Variants in LYPD6 observed in about 807,000 individuals in gnomAD.
LYPD6 encodes the protein ly6/PLAUR domain-containing protein 6.
Under a neutral mutation model 22.7 loss-of-function variants are expected in LYPD6, and 15 were observed. That is an observed-to-expected ratio of 0.66 (90% CI 0.44 to 1.02). The LOEUF is 1.02. Among genes scored for constraint, LYPD6 ranks in the 50% least tolerant of loss-of-function variants. The pLI is 0.00. For missense variants in LYPD6, 189 were observed against 208.4 expected (o/e 0.91, Z 0.57); for synonymous variants, 72 against 77.5 (o/e 0.93, Z 0.37).
chr2:149,369,619 G>A (rs1030461888), intron 1 of LYPD6, among the ~76,000 whole-genome samples: 6 of 152,102 alleles, frequency 3.9e-5, no homozygotes, highest in South Asian at 2.1e-4. Context: ...AGTTAGAATC[G>A]TATCTACCAT....
At chr2:149,485,873 C>A in the LYPD6 span, among the ~76,000 whole-genome samples, 1 of 152,254 alleles carries the variant, frequency 6.6e-6, no homozygotes. Flanking sequence ...CAGGCAAAGA[C>A]ACTATGGCCT....
At chr2:149,359,249 TC>T (rs1681524324) in intron 1 of LYPD6, among the ~76,000 whole-genome samples, 1 of 152,214 alleles carries the variant, frequency 6.6e-6, no homozygotes, top group Non-Finnish European at 1.5e-5. Flanking sequence ...TCAGAGCTTT[TC>T]TGAGATTCCT....
At chr2:149,401,401 G>A (rs564931778) in intron 1 of LYPD6, among the ~76,000 whole-genome samples, 1 of 152,188 alleles carries the variant, frequency 6.6e-6, no homozygotes, top group Non-Finnish European at 1.5e-5. Context: ...AGGCACAGGA[G>A]CCTTCACCAT....
In LYPD6 at chr2:149,343,190, A is replaced by G. The variant is rs552153930; in HGVS notation, c.-72+12468A>G. Among the ~76,000 whole-genome samples, 5 of 152,294 alleles carry G rather than the reference A, an allele frequency of 3.3e-5. No homozygotes were observed. The East Asian group carries it at 7.7e-4, about 24-fold the overall frequency. On this transcript the variant is annotated intron_variant, in intron 1 of 4. Transcript: ENST00000334166. Reference sequence around the variant, plus strand: ...CCTATAGCTTCTGGGCAGTTCTGGCATTGCATGTGTGTTTCAGATCTCTTC... The same window carrying G: ...CCTATAGCTTCTGGGCAGTTCTGGCGTTGCATGTGTGTTTCAGATCTCTTC...
downstream of LYPD6, among the ~76,000 whole-genome samples, chr2:149,477,589 C>T (rs1265426458): frequency 7.7e-6 from 1 of 130,202 alleles, no homozygotes; most frequent in Admixed American, 8.7e-5. Flanking sequence ...TGCCACTGCA[C>T]TCCAGCCTGG....
At chr2:149,482,086 AT>A in the LYPD6 span, among the ~76,000 whole-genome samples, 1 of 152,198 alleles carries the variant, frequency 6.6e-6, no homozygotes, top group African/African-American at 2.4e-5. Flanking sequence ...CTTGGATGAG[AT>A]AATCTGGAGA....
intron 1 of LYPD6, among the ~76,000 whole-genome samples, chr2:149,425,175 C>T (rs557091783): frequency 1.3e-5 from 2 of 152,326 alleles, no homozygotes; most frequent in South Asian, 4.1e-4. Context: ...CCTGGATCCT[C>T]TTCCTGCGTC....
At chr2:149,336,068 C>T (rs1681028863) in intron 1 of LYPD6, among the ~76,000 whole-genome samples, 1 of 152,162 alleles carries the variant, frequency 6.6e-6, no homozygotes, top group Non-Finnish European at 1.5e-5. Flanking sequence ...GAAAGCCTAA[C>T]CAGGTTTCCG....
intron 1 of LYPD6, among the ~76,000 whole-genome samples, chr2:149,359,846 C>T (rs940532282): frequency 2.0e-5 from 3 of 152,114 alleles, no homozygotes; most frequent in African/African-American, 7.2e-5. Context: ...GTTCCTGGAC[C>T]TCGTGCAGGA....
intron 2 of LYPD6, among the ~76,000 whole-genome samples, chr2:149,448,150 G>A (rs936253019): frequency 1.3e-5 from 2 of 152,106 alleles, no homozygotes; most frequent in Non-Finnish European, 2.9e-5. Flanking sequence ...AAAATTAGCC[G>A]GGTATAGTGG....
At chr2:149,441,922 C>T (rs1683576855) in intron 2 of LYPD6, among the ~76,000 whole-genome samples, 1 of 152,102 alleles carries the variant, frequency 6.6e-6, no homozygotes, top group African/African-American at 2.4e-5. Flanking sequence ...ATCATGTACA[C>T]CAAAGAGCTG....
chr2:149,440,776 C>CTGCAAGCTCCGCCTCCTGGGTTCATGCCA (rs1480244676), intron 2 of LYPD6, among the ~76,000 whole-genome samples: 35 of 143,164 alleles, frequency 2.4e-4, no homozygotes, highest in Non-Finnish European at 4.6e-4. Flanking sequence ...TCTTGGCTCA[C>CTGCAAGCTCCGCCTCCTGGGTTCATGCCA]TGCAAGCTCC....
chr2:149,430,149 G>A (rs1331773632), intron 1 of LYPD6, among the ~76,000 whole-genome samples: 3 of 152,148 alleles, frequency 2.0e-5, no homozygotes, highest in Non-Finnish European at 4.4e-5. Flanking sequence ...ACCCAAGCTG[G>A]AGTGCGTTGG....
At chr2:149,465,315 G>C (rs148222313) in intron 3 of LYPD6, among the ~76,000 whole-genome samples, 1 of 152,142 alleles carries the variant, frequency 6.6e-6, no homozygotes, top group Non-Finnish European at 1.5e-5. Flanking sequence ...AATTTGATGC[G>C]TAGGGCACAG....
At chr2:149,374,112 T>C (rs1423479208) in intron 1 of LYPD6, among the ~76,000 whole-genome samples, 2 of 152,182 alleles carry the variant, frequency 1.3e-5, no homozygotes, top group African/African-American at 2.4e-5. Flanking sequence ...CTAAGTATCC[T>C]TGGAGGCTAA....
intron 1 of LYPD6, among the ~76,000 whole-genome samples, chr2:149,370,240 G>A (rs1300564900): frequency 3.9e-5 from 6 of 152,164 alleles, no homozygotes; most frequent in Non-Finnish European, 7.3e-5. Context: ...GATTGACACA[G>A]AGAGCTTATG....
At position 149,470,913 on chromosome 2, in the gene LYPD6, A is replaced by G; in HGVS notation, c.*63A>G. On this transcript the variant is annotated 3_prime_UTR_variant, in exon 5 of 5. Coordinates refer to ENST00000334166, the MANE Select transcript of LYPD6 (RefSeq NM_194317.5). Reference sequence around the variant, plus strand: ...GGATCTCGATGGTCCACAGACCTGCATGAGTCATTGGCCTGACAGTAATTA... The same window carrying G: ...GGATCTCGATGGTCCACAGACCTGCGTGAGTCATTGGCCTGACAGTAATTA... 6.8e-7 allele frequency: 1 copy of G among 1,462,820 alleles called. No individual in the cohort carries two copies. Among genetic ancestry groups the G allele is most frequent in the Non-Finnish European group, 9.4e-7 (1 of 1,059,346 alleles). 90.6% of individuals were successfully genotyped at this position (1,462,820 alleles called of 1,614,324 possible). A position where few individuals can be genotyped will look rare whatever the true frequency, so the allele number is the denominator to read the frequency against.
intron 1 of LYPD6, among the ~76,000 whole-genome samples, chr2:149,385,893 G>C (rs1682173844): frequency 6.6e-6 from 1 of 152,074 alleles, no homozygotes; most frequent in Non-Finnish European, 1.5e-5. Context: ...AGTGGGGTTG[G>C]GACTCCCTTT....
intron 1 of LYPD6, among the ~76,000 whole-genome samples, chr2:149,419,267 T>C (rs1334093981): frequency 1.3e-5 from 2 of 152,196 alleles, no homozygotes; most frequent in East Asian, 3.8e-4. Flanking sequence ...ATATCTCCCA[T>C]AGAAGCAGCT....
Sources: gnomAD v4.1 joint callset for allele counts (sites outside exome capture counted in the v4.1 genomes callset) on GRCh38, gnomAD v4.1.1 for gene constraint, MANE v1.5 for transcripts, NCBI Gene and HGNC (gene_info 2026-07-23, HGNC 2026-07-21) for gene names.